MRAP2: variants seen among roughly 807,000 people sequenced by gnomAD.
MRAP2 encodes melanocortin-2 receptor accessory protein 2.
In MRAP2, 20 loss-of-function variants were observed where a neutral mutation model predicts 17.4. The ratio of observed to expected loss-of-function variants is 1.15; its 90% confidence interval spans 0.81 to 1.67. The LOEUF (loss-of-function observed/expected upper bound fraction) is 1.67. Ranked by LOEUF, MRAP2 falls within the 40% of genes most tolerant of loss-of-function variation. MRAP2 has a pLI of 0.00. For synonymous variants in MRAP2, 96 were observed against 88.4 expected (o/e 1.09, Z -0.48); for missense variants, 238 against 240.0 (o/e 0.99, Z 0.05).
At chr6:84,085,415 G>A (rs77979471) in intron 3 of MRAP2, among the ~76,000 whole-genome samples, 20,639 of 152,114 alleles carry the variant, frequency 0.14, 1,438 homozygotes, top group Middle Eastern at 0.23. Context: ...TCATGGGACC[G>A]TCAGGAGTTT....
At chr6:84,076,357 A>G (rs142322172) in intron 3 of MRAP2, among the ~76,000 whole-genome samples, 28 of 151,854 alleles carry the variant, frequency 1.8e-4, no homozygotes, top group African/African-American at 6.3e-4. Flanking sequence ...CTGAGTAGCT[A>G]GGATTACAGG....
At chr6:84,063,080 C>T (rs776198550) in intron 3 of MRAP2, 88 bp downstream of exon 3, 277 of 1,579,970 alleles carry the variant, frequency 1.8e-4, no homozygotes, top group Non-Finnish European at 1.9e-4. Context: ...AGGTGCTTCC[C>T]GTGGATGAAG....
chr6:84,042,892 A>T (rs974882522), intron 1 of MRAP2, among the ~76,000 whole-genome samples: 1 of 152,156 alleles, frequency 6.6e-6, no homozygotes, highest in Non-Finnish European at 1.5e-5. Context: ...TTTAACTTAC[A>T]TTTCCATTTC....
chr6:84,060,565 A>G (rs566752264), intron 2 of MRAP2, among the ~76,000 whole-genome samples: 17 of 152,356 alleles, frequency 1.1e-4, no homozygotes, highest in Non-Finnish European at 2.4e-4. Context: ...GATAAAGTAC[A>G]GTGTAGGGAA....
Position 84,089,182 on chromosome 6 carries a change from C to A in MRAP2, c.319C>A (p.Gln107Lys). The A allele has an allele frequency of 6.2e-7, 1 of 1,614,088 alleles. No homozygotes were observed. Among genetic ancestry groups the A allele is most frequent in the East Asian group, 2.2e-5 (1 of 44,876 alleles). Residue 107 changes from glutamine to lysine, a missense_variant, in exon 4 of 4, where the codon CAA becomes AAA. Physicochemically the swap from Gln to Lys is moderately conservative, Grantham distance 53 (BLOSUM62 1). Transcript: ENST00000257776. ...PLEPDKVFSR[Q>K]GNEESRSLFH... is the part of the protein sequence containing the mutation. Reference sequence around the variant, plus strand: ...GGAGCCAGATAAAGTATTTTCTCGCCAAGGCAACGAGGAGTCCAGGTCTCT... The same window carrying A: ...GGAGCCAGATAAAGTATTTTCTCGCAAAGGCAACGAGGAGTCCAGGTCTCT...
chr6:84,080,461 C>T (rs1014379626), intron 3 of MRAP2, among the ~76,000 whole-genome samples: 6 of 152,212 alleles, frequency 3.9e-5, no homozygotes, highest in African/African-American at 2.4e-5. Flanking sequence ...TTTGATTGTC[C>T]CTTGGTTCTG....
chr6:84,075,651 C>T (rs1038988872), intron 3 of MRAP2, among the ~76,000 whole-genome samples: 7 of 152,150 alleles, frequency 4.6e-5, no homozygotes, highest in South Asian at 2.1e-4. Flanking sequence ...TAGAATACTT[C>T]GGACTTCTTG....
chr6:84,122,135 C>T, the MRAP2 span, among the ~76,000 whole-genome samples: 1 of 151,886 alleles, frequency 6.6e-6, no homozygotes, highest in Non-Finnish European at 1.5e-5. Context: ...TTCTACCAGA[C>T]ATACAAAGAG....
At chr6:84,057,395 T>C (rs947280816) in intron 2 of MRAP2, among the ~76,000 whole-genome samples, 5 of 152,220 alleles carry the variant, frequency 3.3e-5, no homozygotes, top group Admixed American at 6.5e-5. Context: ...TTACCTGTAA[T>C]GGATCACACT....
the MRAP2 span, among the ~76,000 whole-genome samples, chr6:84,107,958 G>A: frequency 2.6e-5 from 4 of 152,192 alleles, no homozygotes; most frequent in African/African-American, 9.7e-5. Flanking sequence ...CACTGATCTA[G>A]CAACAATGTG....
At chr6:84,055,574 C>G (rs2099491501) in intron 2 of MRAP2, 129 bp downstream of exon 2, 1 of 888,168 alleles carries the variant, frequency 1.1e-6, no homozygotes, top group African/African-American at 1.7e-5. Flanking sequence ...CTCCCAAATT[C>G]TACAAAACAT....
chr6:84,034,102 C>G (rs909217282), intron 1 of MRAP2, among the ~76,000 whole-genome samples: 4 of 151,968 alleles, frequency 2.6e-5, no homozygotes, highest in African/African-American at 7.2e-5. Flanking sequence ...AAAACCTTCC[C>G]GGCAGCCCGC....
intron 1 of MRAP2, among the ~76,000 whole-genome samples, chr6:84,042,704 C>T (rs930321244): frequency 6.6e-6 from 1 of 152,156 alleles, no homozygotes; most frequent in South Asian, 2.1e-4. Context: ...TGCCCTTGCA[C>T]CCCAAACTCT....
intron 1 of MRAP2, among the ~76,000 whole-genome samples, chr6:84,052,178 G>A (rs1192301287): frequency 1.3e-5 from 2 of 152,146 alleles, no homozygotes; most frequent in Admixed American, 6.5e-5. Flanking sequence ...AGAAAATCTC[G>A]GTGCGGAGAG....
chr6:84,124,179 C>T, the MRAP2 span: 3 of 152,028 alleles, frequency 2.0e-5, no homozygotes, highest in African/African-American at 4.8e-5. Context: ...AAAAATAGAA[C>T]TACCATTCAA....
chr6:84,066,893 A>C (rs758347426), intron 3 of MRAP2, among the ~76,000 whole-genome samples: 62 of 152,154 alleles, frequency 4.1e-4, no homozygotes, highest in Non-Finnish European at 7.9e-4. Flanking sequence ...CAGATTTGTT[A>C]TTTTTTCCAT....
At chr6:84,138,695 T>C in the MRAP2 span, among the ~76,000 whole-genome samples, 2 of 152,210 alleles carry the variant, frequency 1.3e-5, no homozygotes, top group African/African-American at 4.8e-5. Context: ...AGAACTGTCT[T>C]ACCATTGTAT....
At chr6:84,085,470 G>C (rs958884118) in intron 3 of MRAP2, among the ~76,000 whole-genome samples, 2 of 152,198 alleles carry the variant, frequency 1.3e-5, no homozygotes, top group African/African-American at 4.8e-5. Context: ...TCAGGAAAAT[G>C]TCAGGAGTTT....
At chr6:84,124,745 C>A in the MRAP2 span, 1 of 299,404 alleles carries the variant, frequency 3.3e-6, no homozygotes, top group East Asian at 1.1e-4. Flanking sequence ...TTTTAAAAAC[C>A]TCACATTATC....
Sources: allele counts gnomAD v4.1 joint callset (sites outside exome capture counted in the v4.1 genomes callset), GRCh38; gene constraint gnomAD v4.1.1; transcripts MANE v1.5; gene names NCBI Gene and HGNC (gene_info 2026-07-23, HGNC 2026-07-21).